Variants in GAS2 observed in about 807,000 individuals in gnomAD.
GAS2 encodes the protein growth arrest-specific protein 2.
In GAS2, 20 loss-of-function variants were observed where a neutral mutation model predicts 37.5. That is an observed-to-expected ratio of 0.53 (90% CI 0.37 to 0.77). GAS2 has a LOEUF of 0.77. Among genes scored for constraint, GAS2 ranks in the 30% least tolerant of loss-of-function variants. The pLI is 0.00. For missense variants in GAS2, 336 were observed against 373.4 expected, an observed-to-expected ratio of 0.90 and a Z score of 0.82; for synonymous variants, 144 against 132.2, an observed-to-expected ratio of 1.09 and a Z score of -0.61.
chr11:22,726,528 A>G (rs1852226890), intron 4 of GAS2, 95 bp downstream of exon 4: 2 of 980,560 alleles, frequency 2.0e-6, no homozygotes, highest in South Asian at 2.9e-5. Context: ...GTATGATGTC[A>G]TTTTGCAGAT....
intron 3 of GAS2, among the ~76,000 whole-genome samples, chr11:22,721,748 T>C (rs910581578): frequency 6.6e-6 from 1 of 152,090 alleles, no homozygotes; most frequent in African/African-American, 2.4e-5. Flanking sequence ...TAGAAAGTTA[T>C]ATTAGAAAAC....
intron 3 of GAS2, among the ~76,000 whole-genome samples, chr11:22,699,178 A>G (rs1215070716): frequency 1.3e-5 from 2 of 152,292 alleles, no homozygotes; most frequent in South Asian, 4.1e-4. Context: ...ACTTAACTCC[A>G]TACTCTGGTA....
chr11:22,653,712 CAGTT>C (rs1218531192), intron 1 of GAS2, among the ~76,000 whole-genome samples: 11 of 145,584 alleles, frequency 7.6e-5, no homozygotes, highest in East Asian at 1.9e-4. Flanking sequence ...TGAACAGTCA[CAGTT>C]AGGATTGAGA....
intron 6 of GAS2, among the ~76,000 whole-genome samples, chr11:22,750,357 C>T (rs1180185307): frequency 1.3e-5 from 2 of 152,046 alleles, no homozygotes; most frequent in East Asian, 1.9e-4. Context: ...CCATGTGACA[C>T]GATCAACTAT....
chr11:22,729,289 C>T (rs1392751092), intron 4 of GAS2, among the ~76,000 whole-genome samples: 2 of 151,750 alleles, frequency 1.3e-5, no homozygotes, highest in Admixed American at 6.6e-5. Context: ...TGTTGCAGTG[C>T]TTTTTTGTAC....
At chr11:22,646,893 CT>C (rs2133824869) in intron 1 of GAS2, among the ~76,000 whole-genome samples, 1 of 149,568 alleles carries the variant, frequency 6.7e-6, no homozygotes, top group East Asian at 2.0e-4. Flanking sequence ...CTTTCTTTTT[CT>C]TTCTTTCCTT....
chr11:22,777,124 G>T (rs1855298165), intron 7 of GAS2, among the ~76,000 whole-genome samples: 1 of 152,062 alleles, frequency 6.6e-6, no homozygotes, highest in Non-Finnish European at 1.5e-5. Context: ...AATCTCAAGT[G>T]ATCTCTCTAA....
At chr11:22,724,484 TATTTTA>T (rs1852099992) in intron 3 of GAS2, among the ~76,000 whole-genome samples, 1 of 141,728 alleles carries the variant, frequency 7.1e-6, no homozygotes, top group South Asian at 2.4e-4. Context: ...AAGGAATTTA[TATTTTA>T]ATTTTAATAC....
intron 4 of GAS2, among the ~76,000 whole-genome samples, chr11:22,728,713 T>C (rs917672120): frequency 3.3e-5 from 5 of 151,812 alleles, no homozygotes; most frequent in Admixed American, 2.0e-4. Flanking sequence ...CAAAGTGATA[T>C]GTAATAGGCT....
intron 7 of GAS2, among the ~76,000 whole-genome samples, chr11:22,773,543 G>A (rs1365292512): frequency 6.6e-6 from 1 of 151,614 alleles, no homozygotes; most frequent in African/African-American, 2.4e-5. Flanking sequence ...GCAGGCGCCC[G>A]CCACCATGCC....
At position 22,701,142 on chromosome 11, in the gene GAS2, C is replaced by T. The variant is rs866679271; in HGVS notation, c.267+15353C>T. Among the ~76,000 whole-genome samples, 10 of 152,256 alleles carry T rather than the reference C, an allele frequency of 6.6e-5. No individual in the cohort carries two copies. The South Asian group carries it at 8.3e-4, about 13-fold the overall frequency. On this transcript the variant is annotated intron_variant, in intron 3 of 7. Transcript: ENST00000454584. ...AATTCTAGTACTTAGGAAAACTGCA[C>T]AGTAAATACTGCTATCGACTTTCTG...
intron 3 of GAS2, among the ~76,000 whole-genome samples, chr11:22,708,485 A>T (rs1272159368): frequency 6.6e-6 from 1 of 152,262 alleles, no homozygotes; most frequent in African/African-American, 2.4e-5. Context: ...AGTTGCTATT[A>T]TTATGCCATT....
Position 22,727,453 on chromosome 11 carries a change from T to C in GAS2, c.409+1020T>C, listed in dbSNP as rs150657237. Among the ~76,000 whole-genome samples, 165 of 152,156 alleles carry C rather than the reference T, an allele frequency of 1.1e-3. 2 individuals are homozygous for C. Among genetic ancestry groups the C allele is most frequent in the African/African-American group, 3.3e-3 (139 of 41,542 alleles). Reference sequence around the variant, plus strand: ...ATTCCCATGCGTAACCTAGGAAATTTATGGAAACAGCTGAAATCTTACTAA... The same window carrying C: ...ATTCCCATGCGTAACCTAGGAAATTCATGGAAACAGCTGAAATCTTACTAA... On this transcript the variant is annotated intron_variant, in intron 4 of 7. Transcript: ENST00000454584.
intron 3 of GAS2, among the ~76,000 whole-genome samples, chr11:22,705,379 C>G (rs1456295200): frequency 6.6e-6 from 1 of 152,022 alleles, no homozygotes; most frequent in Non-Finnish European, 1.5e-5. Context: ...CATGTTTTAT[C>G]TGAGGCCTTC....
intron 5 of GAS2, among the ~76,000 whole-genome samples, chr11:22,739,591 A>G (rs1416604320): frequency 6.7e-6 from 1 of 148,936 alleles, no homozygotes; most frequent in Non-Finnish European, 1.5e-5. Flanking sequence ...AAAAAAAAAA[A>G]AAAAAAGAAA....
At chr11:22,637,927 C>A (rs1858859129) in intron 1 of GAS2, among the ~76,000 whole-genome samples, 1 of 151,520 alleles carries the variant, frequency 6.6e-6, no homozygotes, top group African/African-American at 2.4e-5. Context: ...TTAAACAAAA[C>A]CTGTTTAGAA....
intron 3 of GAS2, among the ~76,000 whole-genome samples, chr11:22,717,628 G>T (rs1434227995): frequency 2.0e-5 from 3 of 151,724 alleles, no homozygotes; most frequent in African/African-American, 7.3e-5. Context: ...TAAATAGATG[G>T]GACTTAACTA....
rs997531204 is a variant in GAS2, at chr11:22,812,960, T to C, written c.*944T>C. ...ACCAATAAACAGCAAAATATTGTCC[T>C]TACTCATTCAAGAATTAAAAGGATA... On this transcript the variant is annotated 3_prime_UTR_variant, in exon 8 of 8. Coordinates refer to ENST00000454584, the MANE Select transcript of GAS2 (RefSeq NM_001143830.3). The C allele has an allele frequency of 2.0e-5, 3 of 152,534 alleles. No homozygotes were observed. Among genetic ancestry groups the C allele is most frequent in the African/African-American group, 7.2e-5 (3 of 41,456 alleles). The allele number at this position is 152,534 out of a possible 1,614,324, so 9.4% of individuals were successfully genotyped here.
intron 3 of GAS2, among the ~76,000 whole-genome samples, chr11:22,698,573 G>T (rs2134009632): frequency 6.7e-6 from 1 of 149,922 alleles, no homozygotes; most frequent in South Asian, 2.1e-4. Context: ...CCAAAAAAGA[G>T]AATTTTAGAC....
Sources: gnomAD v4.1 joint callset for allele counts (sites outside exome capture counted in the v4.1 genomes callset) on GRCh38, gnomAD v4.1.1 for gene constraint, MANE v1.5 for transcripts, NCBI Gene and HGNC (gene_info 2026-07-23, HGNC 2026-07-21) for gene names.